The following WDR41 variants were observed in gnomAD, a reference collection of about 807,000 sequenced individuals.
WDR41 encodes the protein WD repeat-containing protein 41.
Under a neutral mutation model 69.3 loss-of-function variants are expected in WDR41, and 63 were observed. The ratio of observed to expected loss-of-function variants is 0.91; its 90% CI spans 0.74 to 1.12. The LOEUF (loss-of-function observed/expected upper bound fraction) is 1.12, where lower values mean the gene tolerates loss of function less well. Among genes scored for constraint, WDR41 ranks in the 50% most tolerant of loss-of-function variants. The pLI is 0.00. For missense variants in WDR41, 543 were observed against 534.5 expected (o/e 1.02, Z -0.16); for synonymous variants, 185 against 192.1 (o/e 0.96, Z 0.31).
chr5:77,579,520 A>T (rs1207037372), intron 1 of WDR41, among the ~76,000 whole-genome samples: 3 of 151,818 alleles, frequency 2.0e-5, no homozygotes, highest in South Asian at 2.1e-4. Context: ...GTAGAACAAC[A>T]TGTTCAAAGT....
At chr5:77,550,460 A>G (rs139391218) in intron 1 of WDR41, among the ~76,000 whole-genome samples, 86 of 152,336 alleles carry the variant, frequency 5.6e-4, no homozygotes, top group Admixed American at 1.5e-3. Flanking sequence ...TTCCCAAAAG[A>G]AGACAAAAAA....
chr5:77,458,816 AG>A (rs1799929959), intron 5 of WDR41: 1 of 317,654 alleles, frequency 3.1e-6, no homozygotes, highest in Non-Finnish European at 5.7e-6. Context: ...AAAACATACC[AG>A]GTACTACCTT....
At position 77,436,319 on chromosome 5, in the gene WDR41, G is replaced by C; in HGVS notation, c.1169C>G (p.Ala390Gly). 2 of 1,614,106 alleles carry C rather than the reference G, an allele frequency of 1.2e-6. No individual in the cohort carries two copies. Among genetic ancestry groups the C allele is most frequent in the Non-Finnish European group, 1.7e-6 (2 of 1,179,996 alleles). ...AATAAGCTCCAGTGAACATGAAGTA[G>C]CATTTTCTTGCTGCTTTTTAACAGG... Reference protein sequence around the residue: ...SQPVKKQQENATSCSLELIGD... With the variant: ...SQPVKKQQENGTSCSLELIGD... Residue 390 changes from alanine (A) to glycine (G), a missense_variant, in exon 12 of 13, where the codon GCT becomes GGT. Transcript: ENST00000296679.
chr5:77,575,586 G>T (rs1234796276), intron 1 of WDR41, among the ~76,000 whole-genome samples: 1 of 152,170 alleles, frequency 6.6e-6, no homozygotes, highest in Non-Finnish European at 1.5e-5. Context: ...CAAATAAGTT[G>T]CAGGTGTGCT....
intron 1 of WDR41, among the ~76,000 whole-genome samples, chr5:77,600,925 GTGTA>G (rs1744311669): frequency 2.3e-5 from 3 of 132,260 alleles, no homozygotes; most frequent in African/African-American, 6.5e-5. Flanking sequence ...CTAACTCTGT[GTGTA>G]TGTGTGTGTG....
chr5:77,616,216 A>G (rs1469818837), intron 1 of WDR41, among the ~76,000 whole-genome samples: 1 of 151,658 alleles, frequency 6.6e-6, no homozygotes, highest in African/African-American at 2.4e-5. Context: ...CTCATTGCAT[A>G]CTTTATACCA....
chr5:77,533,606 G>A (rs1211489878), intron 1 of WDR41, among the ~76,000 whole-genome samples: 1 of 152,182 alleles, frequency 6.6e-6, no homozygotes, highest in Non-Finnish European at 1.5e-5. Context: ...CAAGGCTCAG[G>A]ATGGAGGGAC....
At chr5:77,506,390 A>G (rs6877537) in intron 1 of WDR41, among the ~76,000 whole-genome samples, 89,886 of 151,964 alleles carry the variant, frequency 0.59, 27,861 homozygotes, top group African/African-American at 0.78. Flanking sequence ...GGAAACAACA[A>G]ATGCTGGAGA....
intron 8 of WDR41, among the ~76,000 whole-genome samples, chr5:77,445,834 G>T (rs1799359108): frequency 6.6e-6 from 1 of 152,160 alleles, no homozygotes; most frequent in Admixed American, 6.5e-5. Flanking sequence ...ATGGGCAAAA[G>T]CTGGAAGCAT....
chr5:77,489,908 C>G (rs1198259928), intron 1 of WDR41, among the ~76,000 whole-genome samples: 2 of 152,152 alleles, frequency 1.3e-5, no homozygotes, highest in Non-Finnish European at 1.5e-5. Context: ...GCCAATCCAA[C>G]TCAACATTTT....
intron 8 of WDR41, among the ~76,000 whole-genome samples, chr5:77,444,661 A>G (rs1799306029): frequency 6.6e-6 from 1 of 152,244 alleles, no homozygotes. Flanking sequence ...ATGGGTGAGG[A>G]GAAAGGAGCA....
In WDR41 at chr5:77,545,527, G is replaced by A. The variant is rs150878317; in HGVS notation, c.43-55955C>T. 4.2e-4 allele frequency: 103 copies of A among 243,072 alleles called. 1 individual carries two copies. The highest frequency in any genetic ancestry group is 3.1e-3 in the East Asian group (25 of 8,184). 15.1% of individuals were successfully genotyped at this position (243,072 alleles called of 1,614,324 possible). On this transcript the variant is annotated intron_variant, in intron 1 of 5. Transcript: ENST00000509971. The stretch of plus-strand genomic sequence containing the variant: ...CCAGGGTCGCAGCCACGGAGCTTGC[G>A]GAGGCAAGTTGAGGACAAGGAGTTG...
chr5:77,503,388 G>A (rs1209911486), intron 1 of WDR41, among the ~76,000 whole-genome samples: 1 of 152,082 alleles, frequency 6.6e-6, no homozygotes, highest in Middle Eastern at 3.2e-3. Flanking sequence ...AGTCCTGAGT[G>A]ACCTACAAAG....
intron 1 of WDR41, among the ~76,000 whole-genome samples, chr5:77,538,788 C>T (rs1006948798): frequency 6.6e-5 from 10 of 152,060 alleles, no homozygotes; most frequent in Non-Finnish European, 1.2e-4. Context: ...ACTATGTGCC[C>T]GTAATGAAAT....
At chr5:77,512,181 A>G (rs1802212756) in intron 1 of WDR41, among the ~76,000 whole-genome samples, 1 of 152,206 alleles carries the variant, frequency 6.6e-6, no homozygotes, top group Admixed American at 6.5e-5. Flanking sequence ...CCTGGAGAAC[A>G]TTACAAAATA....
chr5:77,600,718 A>G (rs2112323549), intron 1 of WDR41, among the ~76,000 whole-genome samples: 1 of 152,244 alleles, frequency 6.6e-6, no homozygotes, highest in South Asian at 2.1e-4. Context: ...CGTCTCTACT[A>G]AAAATATGAA....
At chr5:77,470,026 G>A (rs1447742404) in intron 2 of WDR41, among the ~76,000 whole-genome samples, 1 of 150,144 alleles carries the variant, frequency 6.7e-6, no homozygotes, top group Non-Finnish European at 1.5e-5. Flanking sequence ...GGCAGCCAGA[G>A]AGAAAGGTCG....
rs555714660 is a variant in WDR41, at chr5:77,453,875, C to T, written c.465G>A (p.Leu155=). 1 of 1,614,098 alleles carries T rather than the reference C, an allele frequency of 6.2e-7. No individual in the cohort carries two copies. The highest frequency in any genetic ancestry group is 8.5e-7 in the Non-Finnish European group (1 of 1,180,012). The change falls in exon 6 of 13, where the codon CTG becomes CTA. Residue 155 remains leucine, a synonymous_variant. Transcript: ENST00000296679. The stretch of plus-strand genomic sequence containing the variant: ...GATCTAATTTTCGGTTCCACACACA[C>T]AGGTCATTCCCACCAGAAAGCCAAA... ...LDVWLSGGND[L]CVWNRKLDLL...
intron 1 of WDR41, among the ~76,000 whole-genome samples, chr5:77,602,940 CTT>C (rs576335451): frequency 0.017 from 2,341 of 137,050 alleles, 45 homozygotes; most frequent in African/African-American, 0.059. Context: ...ATTTTTTTGT[CTT>C]TTTTTTTTTT....
Sources: allele counts gnomAD v4.1 joint callset (sites outside exome capture counted in the v4.1 genomes callset), GRCh38; gene constraint gnomAD v4.1.1; transcripts MANE v1.5; gene names NCBI Gene and HGNC (gene_info 2026-07-23, HGNC 2026-07-21).